SPAG16: variants seen among roughly 807,000 people sequenced by gnomAD.
The protein encoded by SPAG16 is sperm-associated antigen 16 protein.
Under a neutral mutation model 80.4 loss-of-function variants are expected in SPAG16, and 86 were observed. The observed-to-expected ratio is 1.07, with a 90% CI of 0.90 to 1.28. SPAG16 has a LOEUF of 1.28. Among genes scored for constraint, SPAG16 ranks in the 50% most tolerant of loss-of-function variants. The pLI, the probability that SPAG16 is intolerant of heterozygous loss-of-function variation, is 0.00. For missense variants in SPAG16, 870 were observed against 765.3 expected (o/e 1.14, Z -1.61); for synonymous variants, 294 against 265.9 (o/e 1.11, Z -1.03).
intron 9 of SPAG16, among the ~76,000 whole-genome samples, chr2:213,460,534 C>T (rs965077341): frequency 1.3e-5 from 2 of 152,094 alleles, no homozygotes; most frequent in Non-Finnish European, 2.9e-5. Context: ...AATCACGTGG[C>T]AAAGAGATTA....
intron 12 of SPAG16, among the ~76,000 whole-genome samples, chr2:213,940,836 C>T (rs1053378375): frequency 1.3e-5 from 2 of 152,108 alleles, no homozygotes; most frequent in African/African-American, 4.8e-5. Flanking sequence ...TAACTTCTTA[C>T]CCCTAACTCT....
intron 10 of SPAG16, among the ~76,000 whole-genome samples, chr2:213,550,986 CT>C (rs2076762410): frequency 6.6e-6 from 1 of 151,858 alleles, no homozygotes; most frequent in South Asian, 2.1e-4. Context: ...TTATGTATTA[CT>C]ATAATTGAGA....
At chr2:214,387,474 G>A (rs934973725) in intron 15 of SPAG16, among the ~76,000 whole-genome samples, 11 of 152,084 alleles carry the variant, frequency 7.2e-5, no homozygotes, top group African/African-American at 2.4e-4. Context: ...TTAACCAAAG[G>A]TGATATTATT....
chr2:213,937,902 G>T (rs1420695914), intron 12 of SPAG16, among the ~76,000 whole-genome samples: 1 of 151,804 alleles, frequency 6.6e-6, no homozygotes, highest in Non-Finnish European at 1.5e-5. Context: ...TAATAAAAAA[G>T]GTAAATGTCC....
Position 213,375,107 on chromosome 2 carries a change from A to T in SPAG16, c.930A>T (p.Lys310Asn), listed in dbSNP as rs1280494403. The change falls in exon 9 of 16, where the codon AAA becomes AAT. Residue 310 changes from lysine (K) to asparagine (N), a missense_variant. Physicochemically the swap from Lys to Asn is moderately conservative, Grantham distance 94. Coordinates refer to ENST00000331683, the MANE Select transcript of SPAG16 (RefSeq NM_024532.5). The part of the protein sequence containing the change: ...REQNKCKTKM[K>N]GNTKDSEFPI... Reference sequence around the variant, plus strand: ...AAAACAAATGTAAAACAAAGATGAAAGGCAATACAAAGGTATGATATTTGT... The same window carrying T: ...AAAACAAATGTAAAACAAAGATGAATGGCAATACAAAGGTATGATATTTGT... 1 of 1,604,936 alleles carries T rather than the reference A, an allele frequency of 6.2e-7. No homozygotes were observed. The highest frequency in any genetic ancestry group is 1.7e-5 in the Admixed American group (1 of 57,766).
At chr2:214,198,646 T>C (rs2057916494) in intron 15 of SPAG16, among the ~76,000 whole-genome samples, 1 of 152,110 alleles carries the variant, frequency 6.6e-6, no homozygotes, top group African/African-American at 2.4e-5. Flanking sequence ...GAATGGTAGT[T>C]ATACTTTTAG....
intron 9 of SPAG16, chr2:213,422,133 T>C: frequency 1.4e-6 from 1 of 693,852 alleles, no homozygotes; most frequent in Non-Finnish European, 2.6e-6. Flanking sequence ...CTTGCCACTT[T>C]GCAGGTGATG....
chr2:213,411,836 C>G (rs1270204742), intron 9 of SPAG16, among the ~76,000 whole-genome samples: 3 of 151,992 alleles, frequency 2.0e-5, no homozygotes, highest in African/African-American at 7.2e-5. Flanking sequence ...TAACTATCCT[C>G]CACCTTATCC....
At chr2:214,176,865 T>A (rs770944671) in intron 15 of SPAG16, among the ~76,000 whole-genome samples, 27 of 77,466 alleles carry the variant, frequency 3.5e-4, no homozygotes, top group Non-Finnish European at 6.1e-4. Context: ...GGCAAAAAAA[T>A]ATGTGCTATC....
chr2:214,300,503 T>C (rs1467785594), intron 15 of SPAG16, among the ~76,000 whole-genome samples: 1 of 152,114 alleles, frequency 6.6e-6, no homozygotes, highest in African/African-American at 2.4e-5. Context: ...GAGTCTTTTT[T>C]ACAAATTTTT....
At chr2:214,061,087 G>A (rs1175110056) in intron 13 of SPAG16, among the ~76,000 whole-genome samples, 1 of 152,174 alleles carries the variant, frequency 6.6e-6, no homozygotes, top group Non-Finnish European at 1.5e-5. Context: ...TTGTGAGACA[G>A]AGTACTAAGA....
At chr2:213,373,174 T>C (rs1368933863) in intron 8 of SPAG16, among the ~76,000 whole-genome samples, 1 of 152,174 alleles carries the variant, frequency 6.6e-6, no homozygotes, top group African/African-American at 2.4e-5. Flanking sequence ...ACAAAGACTT[T>C]GCTGGGATAT....
intron 13 of SPAG16, among the ~76,000 whole-genome samples, chr2:214,036,285 C>T (rs2048694175): frequency 6.6e-6 from 1 of 152,148 alleles, no homozygotes; most frequent in Non-Finnish European, 1.5e-5. Flanking sequence ...TGAGCACTCT[C>T]CCAACTTTCA....
At chr2:213,833,667 CT>C (rs1229272927) in intron 10 of SPAG16, among the ~76,000 whole-genome samples, 1 of 119,270 alleles carries the variant, frequency 8.4e-6, no homozygotes, top group Non-Finnish European at 1.6e-5. Flanking sequence ...ATAGGATCTT[CT>C]ACCCACGTGG....
Position 214,177,985 on chromosome 2 carries a change from ATATATATATATATATATATATATATATT to A in SPAG16, c.1720+28720_1720+28747del, listed in dbSNP as rs1559108300. Among the ~76,000 whole-genome samples the A allele has an allele frequency of 6.5e-4, 24 of 37,110 alleles. 1 individual carries two copies. The highest frequency in any genetic ancestry group is 1.7e-3 in the Non-Finnish European group (21 of 12,332). 24.3% of individuals were successfully genotyped at this position (37,110 alleles called of 152,430 possible). On this transcript the variant is annotated intron_variant, in intron 15 of 15. Transcript: ENST00000331683. ...ACAAAGTGTATGTATATATATATAT[ATATATATATATATATATATATATATATT>A]CATACTTTATTTGTACATATAAACT... is the stretch of plus-strand genomic sequence containing the variant.
chr2:213,317,415 G>A, intron 5 of SPAG16, 59 bp downstream of exon 5: 1 of 1,535,594 alleles, frequency 6.5e-7, no homozygotes, highest in Non-Finnish European at 8.7e-7. Context: ...TAAAAGAGTT[G>A]AGTGAAGCTG....
chr2:213,903,248 A>G (rs1167244708), intron 11 of SPAG16, among the ~76,000 whole-genome samples: 1 of 152,110 alleles, frequency 6.6e-6, no homozygotes, highest in South Asian at 2.1e-4. Flanking sequence ...CAGACCCCAC[A>G]TTTCCCTTCT....
At chr2:213,746,751 G>A (rs1275816588) in intron 10 of SPAG16, among the ~76,000 whole-genome samples, 1 of 152,134 alleles carries the variant, frequency 6.6e-6, no homozygotes, top group African/African-American at 2.4e-5. Context: ...AAGTTGCAGT[G>A]AGCCAAGATC....
At chr2:213,874,194 T>C (rs188816758) in intron 11 of SPAG16, among the ~76,000 whole-genome samples, 1 of 152,270 alleles carries the variant, frequency 6.6e-6, no homozygotes, top group East Asian at 1.9e-4. Flanking sequence ...TACTCTACAC[T>C]ACTGTAGACT....
Sources: allele counts gnomAD v4.1 joint callset (sites outside exome capture counted in the v4.1 genomes callset), GRCh38; gene constraint gnomAD v4.1.1; transcripts MANE v1.5; gene names NCBI Gene and HGNC (gene_info 2026-07-23, HGNC 2026-07-21).